The following SNAP47 variants were observed in gnomAD, a reference collection of about 807,000 sequenced individuals.
SNAP47 encodes synaptosome associated protein 47.
In SNAP47, 20 loss-of-function variants were observed where a neutral mutation model predicts 31.4. The ratio of observed to expected loss-of-function variants is 0.64; its 90% CI spans 0.45 to 0.93. The LOEUF (loss-of-function observed/expected upper bound fraction) is 0.93. Ranked by LOEUF, SNAP47 falls within the 40% of genes least tolerant of loss-of-function variation. The pLI is 0.00. For synonymous variants in SNAP47, 194 were observed against 213.4 expected (o/e 0.91, Z 0.79); for missense variants, 492 against 528.5 (o/e 0.93, Z 0.68).
intron 2 of SNAP47, among the ~76,000 whole-genome samples, chr1:227,753,564 C>T (rs1662510836): frequency 6.6e-6 from 1 of 152,172 alleles, no homozygotes; most frequent in African/African-American, 2.4e-5. Flanking sequence ...CCATAAGTCG[C>T]TGTTAGATGC....
intron 2 of SNAP47, among the ~76,000 whole-genome samples, chr1:227,751,979 A>G (rs1370847862): frequency 1.6e-4 from 25 of 151,954 alleles, no homozygotes; most frequent in Non-Finnish European, 3.1e-4. Flanking sequence ...GTTAACCAGG[A>G]TGGTTTCAAT....
Position 227,741,636 on chromosome 1 carries a change from A to G in SNAP47, c.-45-6056A>G, listed in dbSNP as rs1412744006. 1.3e-5 allele frequency among the ~76,000 whole-genome samples: 2 copies of G among 152,084 alleles called. No homozygotes were observed. Among genetic ancestry groups the G allele is most frequent in the East Asian group, 3.9e-4 (2 of 5,184 alleles). ...GGGCTGAGAGAGAGAGGGTGGGATC[A>G]GGGCCCCGGGAGGAGGGTCTGGCCT... On this transcript the variant is annotated intron_variant, in intron 1 of 4. Transcript: ENST00000617596. This position sits in a 1 kb window ranked among gnomAD's most constrained non-coding sequence, Gnocchi z 4.2.
chr1:227,766,815 C>G (rs142788639), intron 3 of SNAP47, 144 bp from the exon 4 acceptor site: 12 of 1,213,152 alleles, frequency 9.9e-6, no homozygotes, highest in Non-Finnish European at 1.4e-5. Context: ...CAAGGCAAGG[C>G]TCACAGAGGT....
At chr1:227,750,219 G>A (rs1054833788) in intron 2 of SNAP47, among the ~76,000 whole-genome samples, 2 of 151,380 alleles carry the variant, frequency 1.3e-5, no homozygotes, top group Non-Finnish European at 3.0e-5. Context: ...TAGATGGCAG[G>A]TGTGTGTTTT....
intron 1 of SNAP47, 136 bp from the exon 2 acceptor site, chr1:227,747,556 A>G (rs1572000835): frequency 1.2e-6 from 1 of 841,126 alleles, no homozygotes; most frequent in African/African-American, 1.7e-5. Flanking sequence ...TCATGCAGCC[A>G]CAGGTGGATC....
intron 4 of SNAP47, among the ~76,000 whole-genome samples, chr1:227,774,314 G>A (rs780248994): frequency 2.0e-5 from 3 of 152,208 alleles, no homozygotes; most frequent in Non-Finnish European, 4.4e-5. Context: ...CAGGTATTAC[G>A]CAGTCTTGGT....
At chr1:227,747,404 A>G (rs936602057) in intron 1 of SNAP47, among the ~76,000 whole-genome samples, 7 of 152,140 alleles carry the variant, frequency 4.6e-5, no homozygotes. Context: ...GCAGGGGCAC[A>G]GAGTGTGGTG....
intron 3 of SNAP47, among the ~76,000 whole-genome samples, chr1:227,766,504 C>A (rs908795037): frequency 1.2e-4 from 18 of 152,298 alleles, no homozygotes; most frequent in Admixed American, 1.0e-3. Flanking sequence ...GACTCACCTC[C>A]CACCTCGGTG....
chr1:227,745,770 C>T (rs1249210881), intron 1 of SNAP47: 2 of 152,222 alleles, frequency 1.3e-5, no homozygotes, highest in African/African-American at 4.8e-5. Context: ...GACAAGCCTG[C>T]TTACCTCTGC....
upstream of SNAP47, chr1:227,732,100 A>G: frequency 2.0e-6 from 1 of 512,472 alleles, no homozygotes; most frequent in South Asian, 2.3e-5. Context: ...CTGTCAGCTC[A>G]GGCGTCCTGG....
chr1:227,755,165 AT>A (rs1662616902), intron 2 of SNAP47, among the ~76,000 whole-genome samples: 1 of 152,084 alleles, frequency 6.6e-6, no homozygotes, highest in Non-Finnish European at 1.5e-5. Flanking sequence ...GCCTCCCCTT[AT>A]CTCCAGCCCA....
Position 227,767,662 on chromosome 1 carries a change from G to A in SNAP47, c.1113+579G>A, listed in dbSNP as rs117522388. Among the ~76,000 whole-genome samples the A allele has an allele frequency of 4.7e-3, 696 of 149,522 alleles. 18 individuals are homozygous for A. In the South Asian group the frequency reaches 0.057, roughly 12 times the overall value. On this transcript the variant is annotated intron_variant, in intron 4 of 4. Coordinates refer to ENST00000617596, the MANE Select transcript of SNAP47 (RefSeq NM_053052.4). ...TGTATGTGTACCTTGTGTGTACTGT[G>A]CATGGGCATGTGTATATGTGCATGT...
intron 2 of SNAP47, among the ~76,000 whole-genome samples, chr1:227,756,963 G>A (rs986343898): frequency 2.6e-5 from 4 of 152,212 alleles, no homozygotes; most frequent in Non-Finnish European, 4.4e-5. Flanking sequence ...TGTTCACCTC[G>A]ATCTCACTTT....
chr1:227,775,935 G>A, intron 4 of SNAP47: 1 of 1,298,036 alleles, frequency 7.7e-7, no homozygotes, highest in Admixed American at 2.3e-5. Flanking sequence ...CAGGGCATGA[G>A]GGAGCCGGCC....
upstream of SNAP47, chr1:227,730,867 G>A (rs1016682046): frequency 6.6e-6 from 1 of 152,306 alleles, no homozygotes; most frequent in East Asian, 1.9e-4. Context: ...GCTGCCTGCT[G>A]GCAGTGTCCG....
chr1:227,733,391 G>C, upstream of SNAP47: 1 of 1,566,184 alleles, frequency 6.4e-7, no homozygotes. Context: ...CCCTGATAGG[G>C]GGCAGGAGAA....
At chr1:227,776,122 C>G in intron 4 of SNAP47, 1 of 1,165,392 alleles carries the variant, frequency 8.6e-7, no homozygotes, top group Non-Finnish European at 1.1e-6. Flanking sequence ...GCTCCCCTTC[C>G]TGGCTCTGAC....
At chr1:227,739,029 G>T (rs764411749) in intron 1 of SNAP47, among the ~76,000 whole-genome samples, 5 of 152,172 alleles carry the variant, frequency 3.3e-5, no homozygotes, top group African/African-American at 1.2e-4. Flanking sequence ...AGGAGGCCTG[G>T]AGTGTTATCA....
At chr1:227,750,694 A>T (rs1662291168) in intron 2 of SNAP47, among the ~76,000 whole-genome samples, 1 of 152,160 alleles carries the variant, frequency 6.6e-6, no homozygotes, top group South Asian at 2.1e-4. Context: ...TTCGCAGAGG[A>T]CTGAGCCCTG....
Sources: gnomAD v4.1 joint callset for allele counts (sites outside exome capture counted in the v4.1 genomes callset) on GRCh38, gnomAD v4.1.1 for gene constraint, Gnocchi (gnomAD v3.1) non-coding constraint, MANE v1.5 for transcripts, NCBI Gene and HGNC (gene_info 2026-07-23, HGNC 2026-07-21) for gene names.